Variants in PPFIA2 observed in about 807,000 individuals in gnomAD.
The protein encoded by PPFIA2 is liprin-alpha-2.
In PPFIA2, 46 loss-of-function variants were observed where a neutral mutation model predicts 175.5. The observed-to-expected ratio is 0.26, with a 90% CI of 0.21 to 0.34. The LOEUF (loss-of-function observed/expected upper bound fraction) is 0.34, where lower values mean the gene tolerates loss of function less well. PPFIA2 is among the 10% of genes least tolerant of loss of function. The pLI, the probability that PPFIA2 is intolerant of heterozygous loss-of-function variation, is 1.00. For missense variants in PPFIA2, 1,179 were observed against 1,506.1 expected, an observed-to-expected ratio of 0.78 and a Z score of 3.60; for synonymous variants, 568 against 511.4, an observed-to-expected ratio of 1.11 and a Z score of -1.49.
intron 11 of PPFIA2, 180 bp from the exon 12 acceptor site, chr12:81,369,374 G>T (rs1595697390): frequency 6.9e-7 from 1 of 1,450,146 alleles, no homozygotes; most frequent in Non-Finnish European, 9.1e-7. Flanking sequence ...AGCTACAAAG[G>T]CCTGTTACAT....
Position 81,579,101 on chromosome 12 carries a change from G to C in PPFIA2, c.303+97690C>G, listed in dbSNP as rs1020214922. Among the ~76,000 whole-genome samples the C allele has an allele frequency of 2.6e-5, 4 of 151,750 alleles. No homozygotes were observed. In the South Asian group the frequency reaches 6.2e-4, roughly 24 times the overall value. On this transcript the variant is annotated intron_variant, in intron 4 of 32. Transcript: ENST00000549396. ...TGAATATTTAGCTGGTCATAAGCAAGTGCTTTCTTTACGACTTTTCTAATA... is the reference window on the plus strand; with the variant it reads ...TGAATATTTAGCTGGTCATAAGCAACTGCTTTCTTTACGACTTTTCTAATA...
At position 81,358,187 on chromosome 12, in the gene PPFIA2, C is replaced by A. The variant is rs2141099413; in HGVS notation, c.1668G>T (p.Arg556=). 6.3e-7 allele frequency: 1 copy of A among 1,592,874 alleles called. No individual in the cohort carries two copies. The highest frequency in any genetic ancestry group is 8.6e-7 in the Non-Finnish European group (1 of 1,168,750). The change falls in exon 16 of 33, where the codon CGG becomes CGT. Residue 556 remains arginine, a synonymous_variant. Coordinates refer to ENST00000549396, the MANE Select transcript of PPFIA2 (RefSeq NM_003625.5). ...RTHLDTSAEL[R]YSVGSLVDSQ... The stretch of plus-strand genomic sequence containing the variant: ...TGTCCACTAGGGATCCCACTGAGTA[C>A]CGCAACTCAGCTGAGGTGTCTAGAT...
chr12:81,628,598 C>T (rs1325386899), intron 4 of PPFIA2, among the ~76,000 whole-genome samples: 2 of 152,030 alleles, frequency 1.3e-5, no homozygotes, highest in South Asian at 2.1e-4. Context: ...AGCCTGGTTT[C>T]GAACTCCTGA....
chr12:81,418,583 C>T (rs1330544577), intron 7 of PPFIA2, among the ~76,000 whole-genome samples: 11 of 151,948 alleles, frequency 7.2e-5, no homozygotes, highest in South Asian at 2.1e-4. Context: ...TGTTTTCACT[C>T]CACAATGGTA....
chr12:81,419,519 A>AT (rs988765222), intron 7 of PPFIA2, among the ~76,000 whole-genome samples: 8 of 151,700 alleles, frequency 5.3e-5, no homozygotes, highest in Non-Finnish European at 7.4e-5. Context: ...CATGGTATTC[A>AT]TTTTTTTCTG....
intron 4 of PPFIA2, among the ~76,000 whole-genome samples, chr12:81,661,724 AC>A (rs1285230091): frequency 1.3e-5 from 2 of 152,098 alleles, no homozygotes; most frequent in Non-Finnish European, 2.9e-5. Flanking sequence ...AGAACTCTCC[AC>A]CCCAAATAAA....
chr12:81,466,386 G>A (rs1439080835), intron 4 of PPFIA2, among the ~76,000 whole-genome samples: 4 of 152,078 alleles, frequency 2.6e-5, no homozygotes, highest in Non-Finnish European at 4.4e-5. Flanking sequence ...TGTGTACTTG[G>A]ATACTTAGTA....
chr12:81,489,517 A>G (rs935217250), intron 4 of PPFIA2, among the ~76,000 whole-genome samples: 3 of 151,914 alleles, frequency 2.0e-5, no homozygotes, highest in Non-Finnish European at 4.4e-5. Flanking sequence ...GAGAAAAAGA[A>G]TGTAGTTTAA....
chr12:81,606,504 T>C (rs1172189397), intron 4 of PPFIA2, among the ~76,000 whole-genome samples: 1 of 152,134 alleles, frequency 6.6e-6, no homozygotes, highest in Non-Finnish European at 1.5e-5. Context: ...TTTGTAGTAA[T>C]AGCGATTTTG....
intron 4 of PPFIA2, chr12:81,597,954 G>C (rs2153452421): frequency 6.5e-7 from 1 of 1,534,840 alleles, no homozygotes; most frequent in South Asian, 1.2e-5. Context: ...ACACTTACTT[G>C]AAAAGTGTAA....
chr12:81,572,630 A>T (rs1189883973), intron 4 of PPFIA2, among the ~76,000 whole-genome samples: 1 of 151,994 alleles, frequency 6.6e-6, no homozygotes, highest in African/African-American at 2.4e-5. Context: ...TCTTTTGTGC[A>T]AACTAAATAG....
chr12:81,351,076 C>A (rs1220746115), intron 17 of PPFIA2, among the ~76,000 whole-genome samples: 2 of 151,964 alleles, frequency 1.3e-5, no homozygotes, highest in African/African-American at 4.8e-5. Flanking sequence ...ATTCAAGAAA[C>A]CATATATTAA....
intron 15 of PPFIA2, among the ~76,000 whole-genome samples, chr12:81,361,989 C>CTATCTATG (rs1324237570): frequency 1.1e-4 from 16 of 141,476 alleles, no homozygotes; most frequent in African/African-American, 3.7e-4. Flanking sequence ...ATCTATGTAT[C>CTATCTATG]TATCTATGTA....
At chr12:81,561,017 ATGTG>A (rs957556796) in intron 4 of PPFIA2, among the ~76,000 whole-genome samples, 15 of 152,052 alleles carry the variant, frequency 9.9e-5, no homozygotes, top group African/African-American at 3.6e-4. Flanking sequence ...TTGTGTATGT[ATGTG>A]TGTGTGTATT....
At chr12:81,422,449 A>T (rs2046444090) in intron 7 of PPFIA2, among the ~76,000 whole-genome samples, 1 of 152,142 alleles carries the variant, frequency 6.6e-6, no homozygotes, top group South Asian at 2.1e-4. Context: ...AATTAAAAGG[A>T]AAGCAGAGTG....
intron 4 of PPFIA2, among the ~76,000 whole-genome samples, chr12:81,526,694 CTA>C (rs1390969280): frequency 3.3e-5 from 5 of 152,258 alleles, no homozygotes; most frequent in Middle Eastern, 3.4e-3. Flanking sequence ...AAATAGAACA[CTA>C]TGACTTTTTA....
At chr12:81,651,704 G>GA (rs1435710572) in intron 4 of PPFIA2, among the ~76,000 whole-genome samples, 9 of 152,102 alleles carry the variant, frequency 5.9e-5, no homozygotes, top group Non-Finnish European at 8.8e-5. Context: ...TTACAGATGA[G>GA]AAAACTGATG....
At position 81,631,813 on chromosome 12, in the gene PPFIA2, T is replaced by C. The variant is rs1345914941; in HGVS notation, c.303+44978A>G. ...CAAACACCTCGCCTCAAGTATAAAG[T>C]GATAGTAATCATCATATTTTCCTCA... is the stretch of plus-strand genomic sequence containing the variant. On this transcript the variant is annotated intron_variant, in intron 4 of 32. Transcript: ENST00000549396. Among the ~76,000 whole-genome samples the C allele has an allele frequency of 3.9e-5, 6 of 152,316 alleles. No individual in the cohort carries two copies. The East Asian group carries it at 1.2e-3, about 29-fold the overall frequency.
At chr12:81,567,581 T>C (rs2071601211) in intron 4 of PPFIA2, among the ~76,000 whole-genome samples, 1 of 152,144 alleles carries the variant, frequency 6.6e-6, no homozygotes, top group Non-Finnish European at 1.5e-5. Flanking sequence ...GTCCAATCAC[T>C]TGGCCAATGA....
Sources: gnomAD v4.1 joint callset for allele counts (sites outside exome capture counted in the v4.1 genomes callset) on GRCh38, gnomAD v4.1.1 for gene constraint, MANE v1.5 for transcripts, NCBI Gene and HGNC (gene_info 2026-07-23, HGNC 2026-07-21) for gene names.